Variants in DOCK3 observed in about 807,000 individuals in gnomAD.
The protein encoded by DOCK3 is dedicator of cytokinesis protein 3.
Under a neutral mutation model 265.6 loss-of-function variants are expected in DOCK3, and 60 were observed. The ratio of observed to expected loss-of-function variants is 0.23; its 90% CI spans 0.18 to 0.28. The LOEUF (loss-of-function observed/expected upper bound fraction) is 0.28. DOCK3 is among the 10% of genes least tolerant of loss of function. DOCK3 has a pLI of 1.00. For synonymous variants in DOCK3, 881 were observed against 938.0 expected, an observed-to-expected ratio of 0.94 and a Z score of 1.11; for missense variants, 1,981 against 2,594.3, an observed-to-expected ratio of 0.76 and a Z score of 5.14.
At chr3:50,690,552 A>G (rs889551262) in intron 1 of DOCK3, among the ~76,000 whole-genome samples, 1 of 152,152 alleles carries the variant, frequency 6.6e-6, no homozygotes, top group Non-Finnish European at 1.5e-5. Context: ...CACCAGTTAA[A>G]TGAAAACTCT....
At position 51,382,814 on chromosome 3, in the gene DOCK3, A is replaced by G. The variant is rs2088739883; in HGVS notation, c.*1255A>G. On this transcript the variant is annotated 3_prime_UTR_variant, in exon 53 of 53. Transcript: ENST00000266037. ...TCTGTTGGTGTCTTTATAGGAAACT[A>G]TAAAGCAGAGCAGTGGTGTCTTTAG... 1 of 152,422 alleles carries G rather than the reference A, an allele frequency of 6.6e-6. No homozygotes were observed. The allele number at this position is 152,422 out of a possible 1,614,324, so 9.4% of individuals were successfully genotyped here. A position where few individuals can be genotyped will look rare whatever the true frequency, so the allele number is the denominator to read the frequency against.
At chr3:50,870,419 A>G (rs2047378639) in intron 3 of DOCK3, among the ~76,000 whole-genome samples, 1 of 152,148 alleles carries the variant, frequency 6.6e-6, no homozygotes, top group African/African-American at 2.4e-5. Flanking sequence ...TTGTCTAAGT[A>G]TAGCCACTTC....
chr3:50,924,622 A>G (rs2050668363), intron 4 of DOCK3, among the ~76,000 whole-genome samples: 1 of 152,244 alleles, frequency 6.6e-6, no homozygotes, highest in South Asian at 2.1e-4. Flanking sequence ...GGTCAAAAGT[A>G]TGAACTTGCC....
At chr3:51,336,532 C>T (rs1456240617) in intron 35 of DOCK3, among the ~76,000 whole-genome samples, 1 of 152,140 alleles carries the variant, frequency 6.6e-6, no homozygotes, top group Non-Finnish European at 1.5e-5. Flanking sequence ...TCAGGTGAGC[C>T]GGATGCTTCA....
chr3:50,734,802 A>G (rs1362460704), intron 1 of DOCK3, among the ~76,000 whole-genome samples: 1 of 151,668 alleles, frequency 6.6e-6, no homozygotes, highest in Non-Finnish European at 1.5e-5. Flanking sequence ...GCGGGGTTTC[A>G]CTGTGTTAGC....
chr3:50,876,736 G>T, intron 3 of DOCK3: 1 of 153,360 alleles, frequency 6.5e-6, no homozygotes, highest in South Asian at 1.8e-4. Flanking sequence ...TTACTGATGA[G>T]ATTCATAATT....
intron 3 of DOCK3, among the ~76,000 whole-genome samples, chr3:50,859,606 T>G (rs6764157): frequency 1.3e-5 from 2 of 152,186 alleles, no homozygotes; most frequent in African/African-American, 4.8e-5. Flanking sequence ...TTCCTTTAAC[T>G]ACAGTGTAGG....
chr3:51,245,982 C>T (rs554964101), intron 21 of DOCK3, among the ~76,000 whole-genome samples: 2 of 152,312 alleles, frequency 1.3e-5, no homozygotes, highest in South Asian at 2.1e-4. Flanking sequence ...ATGGCGTATA[C>T]TCCTGACCTC....
chr3:50,775,875 T>C (rs557842491), intron 1 of DOCK3, among the ~76,000 whole-genome samples: 86 of 152,330 alleles, frequency 5.6e-4, no homozygotes, highest in Non-Finnish European at 9.0e-4. Flanking sequence ...CTTAGAATAA[T>C]GGCTTCCAGC....
chr3:51,117,276 T>A (rs2083782260), intron 9 of DOCK3, among the ~76,000 whole-genome samples: 1 of 152,154 alleles, frequency 6.6e-6, no homozygotes, highest in South Asian at 2.1e-4. Flanking sequence ...TATTTATTTG[T>A]GTATGTTGAA....
At chr3:50,889,562 A>G (rs1202856518) in intron 3 of DOCK3, among the ~76,000 whole-genome samples, 1 of 151,962 alleles carries the variant, frequency 6.6e-6, no homozygotes, top group African/African-American at 2.4e-5. Context: ...AAAAGAAGAC[A>G]TATTTTAGAA....
At chr3:50,751,384 C>T (rs1391611314) in intron 1 of DOCK3, among the ~76,000 whole-genome samples, 3 of 152,050 alleles carry the variant, frequency 2.0e-5, no homozygotes, top group Admixed American at 6.5e-5. Context: ...TTAAGCCCTG[C>T]ATGCATCAGG....
intron 5 of DOCK3, among the ~76,000 whole-genome samples, chr3:51,032,325 T>C (rs2080085476): frequency 6.6e-6 from 1 of 152,166 alleles, no homozygotes; most frequent in Non-Finnish European, 1.5e-5. Context: ...CAACTTAAGT[T>C]TCATGTCAGT....
At chr3:50,927,388 T>C (rs1292530918) in intron 4 of DOCK3, among the ~76,000 whole-genome samples, 2 of 152,194 alleles carry the variant, frequency 1.3e-5, no homozygotes, top group Non-Finnish European at 2.9e-5. Flanking sequence ...CAATAATTTA[T>C]TGTATATTTC....
At chr3:51,171,731 A>AAG (rs1200016036) in intron 12 of DOCK3, among the ~76,000 whole-genome samples, 3 of 151,896 alleles carry the variant, frequency 2.0e-5, no homozygotes, top group African/African-American at 7.3e-5. Context: ...AAAAAAAAAA[A>AAG]AGACTTGTTT....
intron 25 of DOCK3, among the ~76,000 whole-genome samples, chr3:51,276,168 A>G (rs2108939598): frequency 6.6e-6 from 1 of 152,328 alleles, no homozygotes; most frequent in Middle Eastern, 3.4e-3. Context: ...GGGACTCAAT[A>G]GGATACTCTG....
At chr3:50,939,142 GTAAAC>G (rs2051557009) in intron 5 of DOCK3, among the ~76,000 whole-genome samples, 1 of 151,952 alleles carries the variant, frequency 6.6e-6, no homozygotes, top group South Asian at 2.1e-4. Context: ...AGAAAATACT[GTAAAC>G]AACTTTACAT....
intron 4 of DOCK3, among the ~76,000 whole-genome samples, chr3:50,904,546 C>A (rs1188789012): frequency 6.6e-6 from 1 of 152,190 alleles, no homozygotes; most frequent in East Asian, 1.9e-4. Context: ...TGTCTGTTGG[C>A]TGCATAAATA....
intron 9 of DOCK3, among the ~76,000 whole-genome samples, chr3:51,125,545 T>C (rs1371412294): frequency 1.3e-5 from 2 of 152,166 alleles, no homozygotes; most frequent in Admixed American, 1.3e-4. Context: ...TGTAATATCA[T>C]ATTAAACAAG....
Sources: allele counts gnomAD v4.1 joint callset (sites outside exome capture counted in the v4.1 genomes callset), GRCh38; gene constraint gnomAD v4.1.1; transcripts MANE v1.5; gene names NCBI Gene and HGNC (gene_info 2026-07-23, HGNC 2026-07-21).